The following DAG1 variants were observed in gnomAD, a reference collection of about 807,000 sequenced individuals.
DAG1 encodes the protein dystroglycan 1 (dystrophin-associated glycoprotein 1).
DAG1 carries 8 observed loss-of-function variants against 46.1 expected under a neutral mutation model. That is an observed-to-expected ratio of 0.17 (90% confidence interval 0.10 to 0.31). The LOEUF is 0.31. DAG1 is among the 10% of genes least tolerant of loss of function. The pLI is 1.00. For missense variants in DAG1, 1,003 were observed against 1,189.9 expected (o/e 0.84, Z 2.31); for synonymous variants, 495 against 481.8 (o/e 1.03, Z -0.36).
intron 1 of DAG1, chr3:49,493,036 C>CTTTTTTTT (rs55708660): frequency 2.1e-4 from 18 of 86,382 alleles, no homozygotes; most frequent in Admixed American, 5.5e-4. Context: ...TATTTTTATT[C>CTTTTTTTT]TTTTTTTTTT....
intron 2 of DAG1, 42 bp from the exon 3 acceptor site, chr3:49,530,755 A>T: frequency 6.2e-7 from 1 of 1,613,990 alleles, no homozygotes; most frequent in South Asian, 1.1e-5. Flanking sequence ...CAGGTTATGC[A>T]GTGACAATAG....
intron 1 of DAG1, among the ~76,000 whole-genome samples, chr3:49,490,092 G>A (rs1216069416): frequency 6.6e-6 from 1 of 152,194 alleles, no homozygotes; most frequent in East Asian, 1.9e-4. Flanking sequence ...GGTGGCTTAC[G>A]CCTGTAATCC....
chr3:49,487,087 G>C (rs1035127098), intron 1 of DAG1: 1 of 152,000 alleles, frequency 6.6e-6, no homozygotes, highest in African/African-American at 2.4e-5. Context: ...GGGTTTCTCT[G>C]TGTTGCCCAG....
chr3:49,504,791 T>TTA (rs2050556340), intron 1 of DAG1, among the ~76,000 whole-genome samples: 2 of 145,458 alleles, frequency 1.4e-5, no homozygotes, highest in Non-Finnish European at 3.0e-5. Context: ...TTTTGTATTT[T>TTA]TAGTAGAGAC....
chr3:49,496,271 C>G (rs1307384537), intron 1 of DAG1, among the ~76,000 whole-genome samples: 2 of 151,896 alleles, frequency 1.3e-5, no homozygotes, highest in Non-Finnish European at 2.9e-5. Context: ...CTCCCAGGCT[C>G]AAGCAGTCCT....
intron 1 of DAG1, among the ~76,000 whole-genome samples, chr3:49,501,120 G>A (rs957617662): frequency 6.6e-6 from 1 of 152,130 alleles, no homozygotes; most frequent in Non-Finnish European, 1.5e-5. Context: ...CCTGAACATC[G>A]CCTGCCTGCT....
intron 2 of DAG1, among the ~76,000 whole-genome samples, chr3:49,519,706 A>G (rs2050981057): frequency 6.6e-6 from 1 of 152,166 alleles, no homozygotes; most frequent in Non-Finnish European, 1.5e-5. Flanking sequence ...ATCAACTCAA[A>G]TACTTAGTGA....
chr3:49,475,720 C>T (rs1370744948), intron 1 of DAG1, among the ~76,000 whole-genome samples: 81 of 131,240 alleles, frequency 6.2e-4, no homozygotes, highest in African/African-American at 2.1e-3. Context: ...TTTTTTGAGA[C>T]GGAGTCTGCT....
chr3:49,514,211 T>A (rs1053905760), intron 2 of DAG1, among the ~76,000 whole-genome samples: 9 of 152,212 alleles, frequency 5.9e-5, no homozygotes, highest in African/African-American at 2.2e-4. Context: ...AAGCCTGATC[T>A]TGTTCCTAGA....
At chr3:49,509,413 G>C (rs1382036899) in intron 1 of DAG1, among the ~76,000 whole-genome samples, 1 of 152,120 alleles carries the variant, frequency 6.6e-6, no homozygotes, top group Admixed American at 6.6e-5. Flanking sequence ...AACCTTCTCT[G>C]TCCCCACTCC....
chr3:49,510,232 A>G (rs1298551424), intron 1 of DAG1, 187 bp from the exon 2 acceptor site: 3 of 521,558 alleles, frequency 5.8e-6, no homozygotes, highest in Non-Finnish European at 1.0e-5. Flanking sequence ...TTTATATTTA[A>G]TGGATCAGCT....
intron 1 of DAG1, among the ~76,000 whole-genome samples, chr3:49,501,194 A>G (rs1287256473): frequency 6.6e-6 from 1 of 152,222 alleles, no homozygotes; most frequent in Non-Finnish European, 1.5e-5. Context: ...GTCCGCAGAT[A>G]GCAGACAGCT....
chr3:49,522,956 A>G (rs2051074328), intron 2 of DAG1, among the ~76,000 whole-genome samples: 1 of 152,152 alleles, frequency 6.6e-6, no homozygotes, highest in Admixed American at 6.5e-5. Context: ...TCCCAGCTCC[A>G]AGGCAGTGTT....
Position 49,480,236 on chromosome 3 carries a change from G to C in DAG1, c.-117+9803G>C, listed in dbSNP as rs892123835. ...CAAAGTGCTGGGATTACAGGCGTGA[G>C]CCACTGTGCCTGGTCATGAATATAA... is the stretch of plus-strand genomic sequence containing the variant. On this transcript the variant is annotated intron_variant, in intron 1 of 2. Coordinates refer to ENST00000308775, the MANE Select transcript of DAG1 (RefSeq NM_004393.6). 2.0e-5 allele frequency among the ~76,000 whole-genome samples: 3 copies of C among 148,524 alleles called. No individual in the cohort carries two copies. The East Asian group carries it at 5.9e-4, about 29-fold the overall frequency.
intron 1 of DAG1, among the ~76,000 whole-genome samples, chr3:49,507,510 C>A (rs565109711): frequency 1.7e-4 from 26 of 152,130 alleles, no homozygotes; most frequent in African/African-American, 6.3e-4. Context: ...TTACAGTGAG[C>A]CGAGATTGTG....
At chr3:49,514,031 G>A (rs1313590463) in intron 2 of DAG1, among the ~76,000 whole-genome samples, 1 of 152,158 alleles carries the variant, frequency 6.6e-6, no homozygotes, top group Non-Finnish European at 1.5e-5. Flanking sequence ...TTTACCAAGG[G>A]GGTGAAGAGA....
intron 1 of DAG1, among the ~76,000 whole-genome samples, chr3:49,507,338 G>A (rs2050630978): frequency 1.3e-5 from 2 of 152,200 alleles, no homozygotes; most frequent in South Asian, 4.1e-4. Context: ...TGAGGTGGGC[G>A]GATCACCTGA....
At chr3:49,523,366 C>T (rs533188445) in intron 2 of DAG1, among the ~76,000 whole-genome samples, 2 of 152,296 alleles carry the variant, frequency 1.3e-5, no homozygotes, top group South Asian at 4.1e-4. Context: ...GTGTGAGCCA[C>T]TGTGCCTGGC....
At chr3:49,500,480 C>A (rs951109058) in intron 1 of DAG1, among the ~76,000 whole-genome samples, 2 of 152,154 alleles carry the variant, frequency 1.3e-5, no homozygotes, top group Non-Finnish European at 2.9e-5. Flanking sequence ...GGTCTGGGGT[C>A]TGGGGCAGTG....
Sources: gnomAD v4.1 joint callset for allele counts (sites outside exome capture counted in the v4.1 genomes callset) on GRCh38, gnomAD v4.1.1 for gene constraint, MANE v1.5 for transcripts, NCBI Gene and HGNC (gene_info 2026-07-23, HGNC 2026-07-21) for gene names.